The following FBXO31 variants were observed in gnomAD, a reference collection of about 807,000 sequenced individuals.
FBXO31 encodes F-box only protein 31.
FBXO31 carries 24 observed loss-of-function variants against 54.4 expected under a neutral mutation model. That is an observed-to-expected ratio of 0.44 (90% confidence interval 0.32 to 0.62). FBXO31 has a LOEUF of 0.62. FBXO31 is among the 20% of genes least tolerant of loss of function. FBXO31 has a pLI of 0.05. For missense variants in FBXO31, 665 were observed against 787.1 expected, an observed-to-expected ratio of 0.84 and a Z score of 1.86; for synonymous variants, 388 against 335.6, an observed-to-expected ratio of 1.16 and a Z score of -1.71.
intron 5 of FBXO31, among the ~76,000 whole-genome samples, chr16:87,337,160 A>G (rs1905064843): frequency 6.6e-6 from 1 of 152,280 alleles, no homozygotes; most frequent in South Asian, 2.1e-4. Flanking sequence ...AGCACAAAAT[A>G]TAAAAATAAA....
chr16:87,373,599 G>A (rs931664278), intron 1 of FBXO31, among the ~76,000 whole-genome samples: 2 of 150,538 alleles, frequency 1.3e-5, no homozygotes, highest in African/African-American at 4.9e-5. Context: ...GTATGAACAA[G>A]CTCACTGCAG....
At chr16:87,366,474 G>A (rs894037015) in intron 1 of FBXO31, among the ~76,000 whole-genome samples, 4 of 152,250 alleles carry the variant, frequency 2.6e-5, no homozygotes, top group Admixed American at 2.6e-4. Context: ...TCAGAGCAGA[G>A]CAGTGCAGAG....
chr16:87,352,770 G>A (rs952386534), intron 2 of FBXO31, among the ~76,000 whole-genome samples: 5 of 152,212 alleles, frequency 3.3e-5, no homozygotes, highest in African/African-American at 9.6e-5. Flanking sequence ...GCATCTATCT[G>A]CCCTGGGAGC....
chr16:87,379,888 C>A (rs1165467661), intron 1 of FBXO31, among the ~76,000 whole-genome samples: 1 of 151,272 alleles, frequency 6.6e-6, no homozygotes, highest in Non-Finnish European at 1.5e-5. Flanking sequence ...GCGCCCAGCC[C>A]GCATACCATT....
At chr16:87,342,296 C>T (rs1199490008) in intron 5 of FBXO31, among the ~76,000 whole-genome samples, 1 of 152,136 alleles carries the variant, frequency 6.6e-6, no homozygotes. Flanking sequence ...TTTAAGTGAT[C>T]CTCTTGCCTC....
chr16:87,374,423 T>C (rs1906735793), intron 1 of FBXO31, among the ~76,000 whole-genome samples: 1 of 152,172 alleles, frequency 6.6e-6, no homozygotes, highest in South Asian at 2.1e-4. Flanking sequence ...AAGCGTTGAC[T>C]ATCTTGTGAT....
rs748079268 is a variant in FBXO31, at chr16:87,346,179, G to A, written c.489+995C>T. Among the ~76,000 whole-genome samples the A allele has an allele frequency of 3.0e-4, 45 of 152,192 alleles. No individual in the cohort carries two copies. The highest frequency in any genetic ancestry group is 6.2e-4 in the South Asian group (3 of 4,826). ...GAGAGACCCGGAATGAGAACGGGAC[G>A]CTTCCCCAAGCCTGAGACGCGCGCA... On this transcript the variant is annotated intron_variant, in intron 3 of 8. Transcript: ENST00000311635. This position sits in a 1 kb window ranked among gnomAD's most constrained non-coding sequence, Gnocchi z 4.2.
In FBXO31 at chr16:87,338,328, G is replaced by A. The variant is rs1286316677; in HGVS notation, c.733-2064C>T. 1.3e-5 allele frequency among the ~76,000 whole-genome samples: 2 copies of A among 152,044 alleles called. No individual in the cohort carries two copies. Among genetic ancestry groups the A allele is most frequent in the Admixed American group, 6.6e-5 (1 of 15,250 alleles). The stretch of plus-strand genomic sequence containing the variant: ...TGCTCACTCAACACATTGTACTCGC[G>A]ACCCTCGTGGCAGCGCCGGCAGAGG... On this transcript the variant is annotated intron_variant, in intron 5 of 8. Transcript: ENST00000311635. The surrounding 1 kb of genome is among the most constrained non-coding windows in gnomAD (Gnocchi z 4.3).
intron 5 of FBXO31, among the ~76,000 whole-genome samples, chr16:87,340,162 A>T (rs1905147825): frequency 6.6e-6 from 1 of 152,168 alleles, no homozygotes; most frequent in Non-Finnish European, 1.5e-5. Flanking sequence ...AGGCGCCTGT[A>T]ATACCAGCTA....
Position 87,383,654 on chromosome 16 carries a change from C to T in FBXO31, c.91G>A (p.Ala31Thr). The change falls in exon 1 of 9, where the codon GCC (alanine) becomes ACC (threonine). Residue 31 changes from alanine to threonine, a missense_variant. Ala to Thr is a moderately conservative substitution (Grantham distance 58). Around this residue, in one of 4 missense-constraint regions of FBXO31, gnomAD observed 195 missense variants for 174.8 expected, o/e 1.12. Coordinates refer to ENST00000311635, the MANE Select transcript of FBXO31 (RefSeq NM_024735.5). This position sits in a 1 kb window ranked among gnomAD's most constrained non-coding sequence, Gnocchi z 4.9. ...GGGTCTGTGTCCGGCTCGCTGTCGGCCGCCGCCGTCTCGGCCGGGCCCCGG... is the reference window on the plus strand; with the variant it reads ...GGGTCTGTGTCCGGCTCGCTGTCGGTCGCCGCCGTCTCGGCCGGGCCCCGG... ...QRRGPAETAA[A>T]DSEPDTDPEE... is the part of the protein sequence containing the mutation. The T allele has an allele frequency of 2.2e-6, 3 of 1,338,866 alleles. No homozygotes were observed. Among genetic ancestry groups the T allele is most frequent in the Non-Finnish European group, 1.9e-6 (2 of 1,049,170 alleles). The allele number at this position is 1,338,866 out of a possible 1,614,324, so 82.9% of individuals were successfully genotyped here. A position where few individuals can be genotyped will look rare whatever the true frequency, so the allele number is the denominator to read the frequency against.
intron 7 of FBXO31, among the ~76,000 whole-genome samples, chr16:87,334,735 G>T (rs982258572): frequency 6.6e-6 from 1 of 152,222 alleles, no homozygotes; most frequent in Non-Finnish European, 1.5e-5. Context: ...AATAGGCTTC[G>T]CCCCTTCAGG....
At chr16:87,380,355 T>G (rs1907023590) in intron 1 of FBXO31, among the ~76,000 whole-genome samples, 1 of 150,980 alleles carries the variant, frequency 6.6e-6, no homozygotes, top group Non-Finnish European at 1.5e-5. Context: ...ATGATTTAAG[T>G]CCTTTATTGG....
chr16:87,351,406 T>TG (rs1029000709), intron 2 of FBXO31, among the ~76,000 whole-genome samples: 277 of 151,704 alleles, frequency 1.8e-3, no homozygotes, highest in Middle Eastern at 6.8e-3. Context: ...TGGGCTCTGG[T>TG]GGCGGGGGAA....
At chr16:87,382,032 A>G (rs1456588264) in intron 1 of FBXO31, among the ~76,000 whole-genome samples, 1 of 149,954 alleles carries the variant, frequency 6.7e-6, no homozygotes, top group African/African-American at 2.5e-5. Flanking sequence ...CTCAAAAAAA[A>G]AAAAGAAGGA....
intron 3 of FBXO31, 86 bp from the exon 4 acceptor site, chr16:87,343,851 C>A (rs1446291711): frequency 4.2e-6 from 6 of 1,417,974 alleles, no homozygotes; most frequent in Non-Finnish European, 5.9e-6. Context: ...ACTGCAATGG[C>A]ACAGAGAAGC....
chr16:87,357,354 A>T (rs1346192795), intron 2 of FBXO31, among the ~76,000 whole-genome samples: 17 of 142,060 alleles, frequency 1.2e-4, no homozygotes, highest in Admixed American at 5.8e-4. Context: ...TTTGAGACAG[A>T]GTCTCGCTCT....
intron 5 of FBXO31, among the ~76,000 whole-genome samples, chr16:87,339,760 T>C (rs1003652359): frequency 3.3e-5 from 5 of 152,162 alleles, no homozygotes; most frequent in African/African-American, 9.7e-5. Flanking sequence ...TTCTGGGAAA[T>C]AGCTGCTTCT....
chr16:87,340,352 C>T (rs575244673), intron 5 of FBXO31, among the ~76,000 whole-genome samples: 126 of 152,312 alleles, frequency 8.3e-4, no homozygotes, highest in African/African-American at 2.8e-3. Context: ...ACATATGGAT[C>T]AGAGTATCAA....
In FBXO31 at chr16:87,383,593, C is replaced by A. The variant is rs757717394; in HGVS notation, c.152G>T (p.Gly51Val). The A allele has an allele frequency of 1.4e-5, 21 of 1,478,116 alleles. No homozygotes were observed. The South Asian group carries it at 2.8e-4, about 19-fold the overall frequency. The allele number at this position is 1,478,116 out of a possible 1,614,324, so 91.6% of individuals were successfully genotyped here. A position where few individuals can be genotyped will look rare whatever the true frequency, so the allele number is the denominator to read the frequency against. ...CGAGGGGCCCGCGCACAAGCCGCCC[C>A]CGACCCCGGCGCTAGCCTCGATGCG... ...EERIEASAGV[G>V]GGLCAGPSPP... Residue 51 changes from glycine to valine, a missense_variant, in exon 1 of 9, where the codon GGG becomes GTG. Around this residue, in one of 4 missense-constraint regions of FBXO31, gnomAD observed 195 missense variants for 174.8 expected, o/e 1.12. Transcript: ENST00000311635. The surrounding 1 kb of genome is among the most constrained non-coding windows in gnomAD (Gnocchi z 4.9).
Sources: gnomAD v4.1 joint callset for allele counts (sites outside exome capture counted in the v4.1 genomes callset) on GRCh38, gnomAD v4.1.1 for gene constraint, gnomAD v4.1.1 regional missense constraint, Gnocchi (gnomAD v3.1) non-coding constraint, MANE v1.5 for transcripts, NCBI Gene and HGNC (gene_info 2026-07-23, HGNC 2026-07-21) for gene names.